The following TBC1D31 variants were observed in gnomAD, a reference collection of about 807,000 sequenced individuals.
TBC1D31 encodes TBC1 domain family member 31.
A neutral mutation model predicts 132.9 loss-of-function variants in TBC1D31; 99 were observed. The ratio of observed to expected loss-of-function variants is 0.74; its 90% CI spans 0.63 to 0.88. TBC1D31 has a LOEUF of 0.88. TBC1D31 is among the 40% of genes least tolerant of loss of function. The pLI is 0.00. For missense variants in TBC1D31, 1,134 were observed against 1,256.6 expected, an observed-to-expected ratio of 0.90 and a Z score of 1.48; for synonymous variants, 385 against 419.4, an observed-to-expected ratio of 0.92 and a Z score of 1.00.
chr8:123,128,601 G>A, intron 14 of TBC1D31, 88 bp downstream of exon 14: 1 of 1,069,044 alleles, frequency 9.4e-7, no homozygotes, highest in Non-Finnish European at 1.4e-6. Context: ...ATTTGGCTGA[G>A]CGCGGTGGCT....
the TBC1D31 span, among the ~76,000 whole-genome samples, chr8:123,159,881 T>A: frequency 3.3e-5 from 5 of 151,960 alleles, no homozygotes; most frequent in Admixed American, 2.0e-4. Context: ...AGACTCTTTT[T>A]AAAAAAAATA....
Position 123,100,844 on chromosome 8 carries a change from T to A in TBC1D31, c.869T>A (p.Phe290Tyr). 1.2e-6 allele frequency: 2 copies of A among 1,613,954 alleles called. No homozygotes were observed. Among genetic ancestry groups the A allele is most frequent in the Non-Finnish European group, 1.7e-6 (2 of 1,179,906 alleles). The change falls in exon 7 of 22, where the codon TTT (phenylalanine) becomes TAT (tyrosine). Residue 290 changes from phenylalanine (F) to tyrosine (Y), a missense_variant. Phe to Tyr is a conservative substitution (Grantham distance 22). Coordinates refer to ENST00000287380, the MANE Select transcript of TBC1D31 (RefSeq NM_145647.4). ...CTAAGTCAAGATGGTATTATGAGAT[T>A]TATCAATATGCAGACTTGTAAACTT... Reference protein sequence around the residue: ...GVLSQDGIMRFINMQTCKLLF... With the variant: ...GVLSQDGIMRYINMQTCKLLF...
chr8:123,115,584 C>A (rs1400785959), intron 10 of TBC1D31, among the ~76,000 whole-genome samples: 1 of 152,166 alleles, frequency 6.6e-6, no homozygotes. Context: ...CAGAAGTTCA[C>A]CATGGGTTGG....
intron 5 of TBC1D31, among the ~76,000 whole-genome samples, chr8:123,094,313 C>T (rs560318861): frequency 6.6e-6 from 1 of 152,136 alleles, no homozygotes; most frequent in South Asian, 2.1e-4. Context: ...CCGCCCGCCT[C>T]GGCCTCCCAG....
chr8:123,075,518 A>G (rs1814413417), intron 1 of TBC1D31, among the ~76,000 whole-genome samples: 1 of 152,186 alleles, frequency 6.6e-6, no homozygotes, highest in Non-Finnish European at 1.5e-5. Context: ...CCTGGCCAAC[A>G]TGGTGAAACC....
rs1050658884 is a variant in TBC1D31, at chr8:123,077,864, C to T, written c.224+607C>T. On this transcript the variant is annotated intron_variant, in intron 2 of 21. Transcript: ENST00000287380. ...AGGAGTTCGAGACCAGCTTGGCCAA[C>T]GTGGTGAAACACTGTCTCTACTAAA... is the stretch of plus-strand genomic sequence containing the variant. Among the ~76,000 whole-genome samples the T allele has an allele frequency of 3.3e-5, 5 of 152,006 alleles. No homozygotes were observed. The East Asian group carries it at 5.8e-4, about 18-fold the overall frequency.
intron 4 of TBC1D31, among the ~76,000 whole-genome samples, chr8:123,087,906 G>T (rs551127172): frequency 2.6e-5 from 4 of 152,354 alleles, no homozygotes; most frequent in Middle Eastern, 6.8e-3. Context: ...AACAGGACCG[G>T]GTACGGGGGC....
chr8:123,146,211 A>G (rs1822197104), intron 20 of TBC1D31, among the ~76,000 whole-genome samples: 1 of 152,148 alleles, frequency 6.6e-6, no homozygotes. Context: ...ATGTCATTAT[A>G]TTATCATGTA....
At chr8:123,130,471 C>A in intron 16 of TBC1D31, 138 bp downstream of exon 16, 2 of 753,992 alleles carry the variant, frequency 2.7e-6, no homozygotes, top group Non-Finnish European at 1.9e-6. Flanking sequence ...ATTTACTTTT[C>A]CCCTCAGCTT....
At chr8:123,140,002 G>A (rs1821473076) in intron 17 of TBC1D31, among the ~76,000 whole-genome samples, 1 of 152,144 alleles carries the variant, frequency 6.6e-6, no homozygotes, top group Non-Finnish European at 1.5e-5. Flanking sequence ...GTGGTTTGAA[G>A]GATCTCCGTC....
chr8:123,157,742 C>CA, the TBC1D31 span, among the ~76,000 whole-genome samples: 22 of 149,574 alleles, frequency 1.5e-4, no homozygotes, highest in African/African-American at 4.7e-4. Context: ...CACACACACA[C>CA]CCGCTGTTAC....
chr8:123,089,131 A>C (rs1816078514), intron 4 of TBC1D31, among the ~76,000 whole-genome samples: 1 of 152,218 alleles, frequency 6.6e-6, no homozygotes, highest in African/African-American at 2.4e-5. Flanking sequence ...CTCAAAGGAA[A>C]TGCTCATTGG....
intron 6 of TBC1D31, among the ~76,000 whole-genome samples, chr8:123,100,195 A>C (rs146898197): frequency 6.6e-6 from 1 of 152,108 alleles, no homozygotes; most frequent in Non-Finnish European, 1.5e-5. Context: ...GCACCTTTCC[A>C]TAGTCTACCA....
rs767857977 is a variant in TBC1D31, at chr8:123,082,689, G to T, written c.225-13G>T. ...GAAGAATTTGTGATACTAATGCAAT[G>T]ATCTCTTAATAGGTTCAATCTTGTT... On this transcript the variant is annotated splice_polypyrimidine_tract_variant and intron_variant, in intron 2 of 21. Coordinates refer to ENST00000287380, the MANE Select transcript of TBC1D31 (RefSeq NM_145647.4). The T allele has an allele frequency of 6.4e-7, 1 of 1,563,848 alleles. No homozygotes were observed. The highest frequency in any genetic ancestry group is 8.7e-7 in the Non-Finnish European group (1 of 1,144,590).
At chr8:123,125,461 C>A (rs1819945565) in intron 11 of TBC1D31, among the ~76,000 whole-genome samples, 1 of 152,188 alleles carries the variant, frequency 6.6e-6, no homozygotes, top group Admixed American at 6.5e-5. Context: ...AAAACCAGTC[C>A]TGGTGGCTAT....
intron 17 of TBC1D31, among the ~76,000 whole-genome samples, chr8:123,135,943 C>G (rs1268370201): frequency 6.6e-6 from 1 of 152,208 alleles, no homozygotes; most frequent in Non-Finnish European, 1.5e-5. Flanking sequence ...ATTTGTCTCT[C>G]AGATTTTTAA....
chr8:123,110,786 A>G (rs1818367114), intron 10 of TBC1D31, among the ~76,000 whole-genome samples: 2 of 152,190 alleles, frequency 1.3e-5, no homozygotes, highest in African/African-American at 2.4e-5. Context: ...AGTATGTTCA[A>G]ATATTCAATC....
At chr8:123,094,582 C>A (rs567881540) in intron 5 of TBC1D31, among the ~76,000 whole-genome samples, 1 of 151,970 alleles carries the variant, frequency 6.6e-6, no homozygotes, top group African/African-American at 2.4e-5. Context: ...TCTTGTCCCC[C>A]AGGCTGGAGT....
intron 10 of TBC1D31, among the ~76,000 whole-genome samples, chr8:123,116,431 C>T (rs1331237286): frequency 3.9e-5 from 6 of 152,120 alleles, no homozygotes; most frequent in Non-Finnish European, 7.4e-5. Flanking sequence ...AGCCAGGTTT[C>T]TTACTCTCAG....
Sources: allele counts gnomAD v4.1 joint callset (sites outside exome capture counted in the v4.1 genomes callset), GRCh38; gene constraint gnomAD v4.1.1; transcripts MANE v1.5; gene names NCBI Gene and HGNC (gene_info 2026-07-23, HGNC 2026-07-21).